Variants in ASIC2 observed in about 807,000 individuals in gnomAD.
ASIC2 encodes acid sensing ion channel subunit 2.
A neutral mutation model predicts 57.3 loss-of-function variants in ASIC2; 25 were observed. That is an observed-to-expected ratio of 0.44 (90% CI 0.32 to 0.61). The LOEUF (loss-of-function observed/expected upper bound fraction) is 0.61, where lower values mean the gene tolerates loss of function less well. Among genes scored for constraint, ASIC2 ranks in the 20% least tolerant of loss-of-function variants. The probability of loss-of-function intolerance (pLI) is 0.06; values close to 1 mark genes in which losing one functional copy is unlikely to be tolerated. For missense variants in ASIC2, 641 were observed against 738.1 expected (o/e 0.87, Z 1.52); for synonymous variants, 319 against 307.5 (o/e 1.04, Z -0.39).
At chr17:33,694,042 C>T (rs934500696) in intron 1 of ASIC2, among the ~76,000 whole-genome samples, 1 of 152,164 alleles carries the variant, frequency 6.6e-6, no homozygotes, top group Non-Finnish European at 1.5e-5. Flanking sequence ...TACTTGCTTG[C>T]TCATCTATAA....
chr17:34,111,478 C>A (rs1263918844), intron 1 of ASIC2, among the ~76,000 whole-genome samples: 1 of 151,972 alleles, frequency 6.6e-6, no homozygotes, highest in Non-Finnish European at 1.5e-5. Flanking sequence ...AAAGTATATG[C>A]ACTCTGACAT....
chr17:33,376,287 G>A (rs1909273767), intron 1 of ASIC2, among the ~76,000 whole-genome samples: 2 of 151,906 alleles, frequency 1.3e-5, no homozygotes. Flanking sequence ...GGTGAGAAAT[G>A]AGCTAATGGG....
chr17:34,041,263 C>A (rs2142045986), intron 1 of ASIC2: 1 of 152,302 alleles, frequency 6.6e-6, no homozygotes. Context: ...TCTTTCCCAA[C>A]TATCCTGGGT....
intron 1 of ASIC2, among the ~76,000 whole-genome samples, chr17:33,353,194 C>G (rs1034424663): frequency 6.6e-6 from 1 of 152,152 alleles, no homozygotes; most frequent in African/African-American, 2.4e-5. Flanking sequence ...CCAGATCCAC[C>G]AAACTGTTAG....
intron 1 of ASIC2, among the ~76,000 whole-genome samples, chr17:33,415,804 G>T (rs1411918599): frequency 6.6e-6 from 1 of 152,228 alleles, no homozygotes. Flanking sequence ...TTGTCCCCAT[G>T]ATGCTGAGAT....
At chr17:33,486,482 AG>A (rs1158426143) in intron 1 of ASIC2, among the ~76,000 whole-genome samples, 2 of 152,130 alleles carry the variant, frequency 1.3e-5, no homozygotes, top group Non-Finnish European at 2.9e-5. Context: ...GCTCCATAAA[AG>A]CTGGTTGAAT....
At chr17:34,060,254 T>C (rs1908923322) in intron 1 of ASIC2, among the ~76,000 whole-genome samples, 1 of 152,108 alleles carries the variant, frequency 6.6e-6, no homozygotes, top group African/African-American at 2.4e-5. Context: ...AACCATCACT[T>C]CAGTTCTGCT....
intron 1 of ASIC2, among the ~76,000 whole-genome samples, chr17:33,119,840 C>T (rs551627256): frequency 9.8e-5 from 15 of 152,348 alleles, no homozygotes; most frequent in African/African-American, 3.6e-4. Context: ...CTTTGCCCTT[C>T]CCAATCAGGA....
intron 1 of ASIC2, among the ~76,000 whole-genome samples, chr17:34,093,286 C>T (rs1186163988): frequency 6.6e-6 from 1 of 152,168 alleles, no homozygotes; most frequent in African/African-American, 2.4e-5. Flanking sequence ...TCTGTTTGGG[C>T]TCCATGCTTA....
intron 2 of ASIC2, among the ~76,000 whole-genome samples, chr17:33,101,220 C>T (rs2092210920): frequency 6.6e-6 from 1 of 152,208 alleles, no homozygotes; most frequent in African/African-American, 2.4e-5. Flanking sequence ...CCATAGCAAC[C>T]ATCATCACCC....
At chr17:33,577,411 C>T (rs745456051) in intron 1 of ASIC2, among the ~76,000 whole-genome samples, 4 of 152,112 alleles carry the variant, frequency 2.6e-5, no homozygotes, top group Non-Finnish European at 5.9e-5. Context: ...GGAAGAGGAG[C>T]GGCGAGCAGG....
intron 1 of ASIC2, among the ~76,000 whole-genome samples, chr17:33,981,577 G>A (rs930406479): frequency 6.6e-6 from 1 of 151,592 alleles, no homozygotes. Context: ...TCAAATGTAT[G>A]TTCTTTCCTC....
At chr17:33,556,418 G>C (rs1189656452) in intron 1 of ASIC2, among the ~76,000 whole-genome samples, 1 of 152,212 alleles carries the variant, frequency 6.6e-6, no homozygotes, top group Non-Finnish European at 1.5e-5. Flanking sequence ...GAAAATCTGA[G>C]AGCTGGGATG....
chr17:34,096,097 ATATT>A (rs1271583760), intron 1 of ASIC2, among the ~76,000 whole-genome samples: 9 of 152,146 alleles, frequency 5.9e-5, no homozygotes, highest in African/African-American at 2.2e-4. Context: ...CCTTTGACAA[ATATT>A]TATCCAGTAA....
chr17:33,393,926 C>T (rs1261801612), intron 1 of ASIC2, among the ~76,000 whole-genome samples: 1 of 152,210 alleles, frequency 6.6e-6, no homozygotes. Flanking sequence ...AACACTTCTA[C>T]TTAGCCATGT....
intron 1 of ASIC2, among the ~76,000 whole-genome samples, chr17:33,979,172 C>T (rs551378306): frequency 1.3e-5 from 2 of 152,260 alleles, no homozygotes; most frequent in South Asian, 2.1e-4. Flanking sequence ...AAAGCCTGGA[C>T]CCAGGCCATG....
intron 1 of ASIC2, among the ~76,000 whole-genome samples, chr17:33,462,302 A>G (rs1482155778): frequency 1.3e-5 from 2 of 152,248 alleles, no homozygotes; most frequent in African/African-American, 4.8e-5. Context: ...AGCCTCTTTT[A>G]CATCTAGATG....
intron 1 of ASIC2, among the ~76,000 whole-genome samples, chr17:33,722,511 A>C (rs1909419241): frequency 6.6e-6 from 1 of 152,166 alleles, no homozygotes; most frequent in South Asian, 2.1e-4. Context: ...CCATGCCTAT[A>C]GTCCCAGTAT....
chr17:33,751,306 T>G (rs1378809141), intron 1 of ASIC2, among the ~76,000 whole-genome samples: 2 of 152,172 alleles, frequency 1.3e-5, no homozygotes, highest in African/African-American at 4.8e-5. Context: ...GTGGTCTCAT[T>G]CCGCCATCTA....
Sources: gnomAD v4.1 joint callset for allele counts (sites outside exome capture counted in the v4.1 genomes callset) on GRCh38, gnomAD v4.1.1 for gene constraint, MANE v1.5 for transcripts, NCBI Gene and HGNC (gene_info 2026-07-23, HGNC 2026-07-21) for gene names.